Variants in PRDM6 observed in about 807,000 individuals in gnomAD.
The protein encoded by PRDM6 is PR/SET domain 6.
Under a neutral mutation model 60.8 loss-of-function variants are expected in PRDM6, and 25 were observed. The ratio of observed to expected loss-of-function variants is 0.41; its 90% CI spans 0.30 to 0.57. The LOEUF is 0.57. PRDM6 is among the 20% of genes least tolerant of loss of function. The pLI is 0.27. For missense variants in PRDM6, 839 were observed against 821.3 expected (o/e 1.02, Z -0.26); for synonymous variants, 407 against 357.4 (o/e 1.14, Z -1.57).
At chr5:123,173,088 C>G (rs762421120) in intron 6 of PRDM6, among the ~76,000 whole-genome samples, 6 of 151,270 alleles carry the variant, frequency 4.0e-5, no homozygotes, top group Non-Finnish European at 7.4e-5. Flanking sequence ...CTACTTGGGA[C>G]GCTGAGGCAG....
chr5:123,191,698 A>T lies in PRDM6; in HGVS notation c.*4497A>T, dbSNP rs1010739203. ...GATACCTGGGTGATCATCAACCCAA[A>T]GTTTAAAGTTCTCCCCTCACTAGCA... On this transcript the variant is annotated 3_prime_UTR_variant, in exon 8 of 8. Coordinates refer to ENST00000407847, the MANE Select transcript of PRDM6 (RefSeq NM_001136239.4). The T allele has an allele frequency of 4.6e-5, 7 of 152,270 alleles. No homozygotes were observed. The highest frequency in any genetic ancestry group is 1.7e-4 in the African/African-American group (7 of 41,560). The allele number at this position is 152,270 out of a possible 1,614,324, so 9.4% of individuals were successfully genotyped here.
intron 3 of PRDM6, among the ~76,000 whole-genome samples, chr5:123,107,353 T>G (rs968939596): frequency 2.0e-5 from 3 of 152,264 alleles, no homozygotes; most frequent in Non-Finnish European, 4.4e-5. Flanking sequence ...CAATTAATTT[T>G]AGAAGGCCTA....
intron 3 of PRDM6, among the ~76,000 whole-genome samples, chr5:123,109,859 A>C (rs1240610844): frequency 6.6e-6 from 1 of 152,244 alleles, no homozygotes; most frequent in African/African-American, 2.4e-5. Context: ...GGAAGCCCTA[A>C]CATGTGAAGC....
intron 6 of PRDM6, among the ~76,000 whole-genome samples, chr5:123,176,998 T>C (rs2126888109): frequency 6.6e-6 from 1 of 152,318 alleles, no homozygotes; most frequent in Non-Finnish European, 1.5e-5. Flanking sequence ...GGCTGTATAT[T>C]GAAAGACGTG....
intron 7 of PRDM6, among the ~76,000 whole-genome samples, chr5:123,182,174 C>G (rs1210705204): frequency 6.6e-6 from 1 of 152,194 alleles, no homozygotes; most frequent in East Asian, 1.9e-4. Context: ...CATGGGCTAC[C>G]ACAGTCCTAG....
rs1349807821 is a variant in PRDM6 at position 123,090,453 on chromosome 5, C to A, written c.439C>A (p.Pro147Thr). Residue 147 changes from proline to threonine, a missense_variant, in exon 2 of 8, where the codon CCC (proline) becomes ACC (threonine). Physicochemically the swap from Pro to Thr is conservative, Grantham distance 38. Around this residue, in one of 2 missense-constraint regions of PRDM6, gnomAD observed 730 missense variants for 648.8 expected, o/e 1.13. Coordinates refer to ENST00000407847, the MANE Select transcript of PRDM6 (RefSeq NM_001136239.4). ...CCTCGGCGCCACCTCCGGCCCCGGG[C>A]CCGTCAAGTGCGGTGGTGGTGGCGG... ...LCLGATSGPG[P>T]VKCGGGGGGG... is the part of the protein sequence containing the mutation. 2.7e-6 allele frequency: 4 copies of A among 1,466,594 alleles called. No homozygotes were observed. The South Asian group carries it at 5.3e-5, about 19-fold the overall frequency. 90.8% of individuals were successfully genotyped at this position (1,466,594 alleles called of 1,614,324 possible).
At position 123,191,762 on chromosome 5, in the gene PRDM6, AG is replaced by A. The variant is rs1455530253; in HGVS notation, c.*4563del. 1 of 152,194 alleles carries A rather than the reference AG, an allele frequency of 6.6e-6. No individual in the cohort carries two copies. The highest frequency in any genetic ancestry group is 1.5e-5 in the Non-Finnish European group (1 of 68,046). 9.4% of individuals were successfully genotyped at this position (152,194 alleles called of 1,614,324 possible). On this transcript the variant is annotated 3_prime_UTR_variant, in exon 8 of 8. Transcript: ENST00000407847. ...CCACAAAACAACAACGCAGGTTACT[AG>A]GAAGGCACCTATTTCAGCCCTCCCC...
rs1040805365 is a variant in PRDM6 at position 123,190,872 on chromosome 5, T to C, written c.*3671T>C. 2 of 152,240 alleles carry C rather than the reference T, an allele frequency of 1.3e-5. No individual in the cohort carries two copies. Among genetic ancestry groups the C allele is most frequent in the Admixed American group, 6.5e-5 (1 of 15,286 alleles). 9.4% of individuals were successfully genotyped at this position (152,240 alleles called of 1,614,324 possible). A position where few individuals can be genotyped will look rare whatever the true frequency, so the allele number is the denominator to read the frequency against. On this transcript the variant is annotated 3_prime_UTR_variant, in exon 8 of 8. Transcript: ENST00000407847. ...TCCTCCTAAGTGGCTGCTAGTAAAA[T>C]GGGTATTTTAGTCCTTTAGACCATT...
At chr5:123,173,345 A>C (rs2126885788) in intron 6 of PRDM6, 1 of 166,966 alleles carries the variant, frequency 6.0e-6, no homozygotes, top group Admixed American at 6.5e-5. Context: ...GGAGATTGTT[A>C]GGTCTATACT....
chr5:123,098,118 T>C (rs1451545090), intron 2 of PRDM6, among the ~76,000 whole-genome samples: 1 of 152,202 alleles, frequency 6.6e-6, no homozygotes, highest in Non-Finnish European at 1.5e-5. Context: ...CTCACAAGTT[T>C]CTTGGGCATT....
rs559028684 is a variant in PRDM6, at chr5:123,186,388, TAAAAAG to T, written c.1674-696_1674-691del. Among the ~76,000 whole-genome samples the T allele has an allele frequency of 1.9e-3, 285 of 152,326 alleles. 2 individuals carry two copies. Among genetic ancestry groups the T allele is most frequent in the Admixed American group, 0.017 (267 of 15,298 alleles). The stretch of plus-strand genomic sequence containing the variant: ...TTTTGTTGTTGTTTCTCATTTAAGT[TAAAAAG>T]AAGAGATAAATCTTGAAGTGTGACA... On this transcript the variant is annotated intron_variant, in intron 7 of 7. Transcript: ENST00000407847.
intron 3 of PRDM6, among the ~76,000 whole-genome samples, chr5:123,155,176 G>A (rs1765464259): frequency 6.6e-6 from 1 of 151,708 alleles, no homozygotes; most frequent in African/African-American, 2.4e-5. Context: ...ATTGATGTGA[G>A]GCAGTAACAA....
intron 3 of PRDM6, among the ~76,000 whole-genome samples, chr5:123,150,449 A>G (rs335150): frequency 6.6e-6 from 1 of 151,986 alleles, no homozygotes; most frequent in East Asian, 1.9e-4. Context: ...GCAATAAAAG[A>G]AATCTGGTTA....
rs1763797837 is a variant in PRDM6, at chr5:123,090,343, C to T, written c.329C>T (p.Ala110Val). 2 of 1,476,196 alleles carry T rather than the reference C, an allele frequency of 1.4e-6. No individual in the cohort carries two copies. The highest frequency in any genetic ancestry group is 1.8e-6 in the Non-Finnish European group (2 of 1,118,040). The allele number at this position is 1,476,196 out of a possible 1,614,324, so 91.4% of individuals were successfully genotyped here. The change falls in exon 2 of 8, where the codon GCC (alanine) becomes GTC (valine). Residue 110 changes from alanine (A) to valine (V), a missense_variant. This residue lies in a region of PRDM6 where 730 missense variants were observed against 648.8 expected (regional missense o/e 1.13). Coordinates refer to ENST00000407847, the MANE Select transcript of PRDM6 (RefSeq NM_001136239.4). ...GCCGCCGCGCTGGCTGGTCTCTCGG[C>T]CCTGCCGGTGTCGCAGCTGCCGGTG... ...AAAAALAGLS[A>V]LPVSQLPVFA...
chr5:123,168,599 T>A (rs537835429), intron 5 of PRDM6, among the ~76,000 whole-genome samples: 14 of 152,336 alleles, frequency 9.2e-5, no homozygotes, highest in Admixed American at 3.3e-4. Flanking sequence ...AAAATGTAGA[T>A]GCCCAGGCCC....
intron 3 of PRDM6, among the ~76,000 whole-genome samples, chr5:123,127,925 G>A (rs886378091): frequency 3.6e-5 from 5 of 137,658 alleles, no homozygotes; most frequent in Admixed American, 3.0e-4. Context: ...CCCAGCCCCC[G>A]ACCCCCTGAC....
At chr5:123,147,904 A>G (rs1765283991) in intron 3 of PRDM6, among the ~76,000 whole-genome samples, 2 of 152,220 alleles carry the variant, frequency 1.3e-5, no homozygotes, top group South Asian at 4.1e-4. Flanking sequence ...GAATTCACCA[A>G]ATGCTCAACA....
intron 3 of PRDM6, among the ~76,000 whole-genome samples, chr5:123,115,756 A>G (rs1764426387): frequency 6.6e-6 from 1 of 152,174 alleles, no homozygotes; most frequent in Admixed American, 6.5e-5. Context: ...CATACTCTTA[A>G]TATGATTGAA....
Position 123,090,318 on chromosome 5 carries a change from G to A in PRDM6, c.304G>A (p.Ala102Thr), listed in dbSNP as rs1049925279. Reference protein sequence around the residue: ...SASSCAAAAAAAALAGLSALP... With the variant: ...SASSCAAAAATAALAGLSALP... ...CTCCTCCTGCGCTGCTGCGGCCGCT[G>A]CCGCCGCGCTGGCTGGTCTCTCGGC... is the stretch of plus-strand genomic sequence containing the variant. Residue 102 changes from alanine to threonine, a missense_variant, in exon 2 of 8, where the codon GCC (alanine) becomes ACC (threonine). Transcript: ENST00000407847. 2.0e-6 allele frequency: 3 copies of A among 1,475,614 alleles called. No individual in the cohort carries two copies. The highest frequency in any genetic ancestry group is 2.4e-4 in the Middle Eastern group (1 of 4,194). 91.4% of individuals were successfully genotyped at this position (1,475,614 alleles called of 1,614,324 possible). A position where few individuals can be genotyped will look rare whatever the true frequency, so the allele number is the denominator to read the frequency against.
Sources: allele counts gnomAD v4.1 joint callset (sites outside exome capture counted in the v4.1 genomes callset), GRCh38; gene constraint gnomAD v4.1.1; regional missense constraint gnomAD v4.1.1; transcripts MANE v1.5; gene names NCBI Gene and HGNC (gene_info 2026-07-23, HGNC 2026-07-21).